The following LYSMD4 variants were observed in gnomAD, a reference collection of about 807,000 sequenced individuals.
The protein encoded by LYSMD4 is lysM and putative peptidoglycan-binding domain-containing protein 4.
A neutral mutation model predicts 6.1 loss-of-function variants in LYSMD4; 9 were observed. The ratio of observed to expected loss-of-function variants is 1.47; its 90% CI spans 0.88 to 2.56. The LOEUF (loss-of-function observed/expected upper bound fraction) is 2.56, where lower values mean the gene tolerates loss of function less well. Ranked by LOEUF, LYSMD4 falls within the 30% of genes most tolerant of loss-of-function variation. LYSMD4 has a pLI of 0.00. For missense variants in LYSMD4, 384 were observed against 373.5 expected, an observed-to-expected ratio of 1.03 and a Z score of -0.23; for synonymous variants, 143 against 148.5, an observed-to-expected ratio of 0.96 and a Z score of 0.27.
chr15:99,723,708 G>GA (rs1465723463), downstream of LYSMD4, among the ~76,000 whole-genome samples: 2 of 152,248 alleles, frequency 1.3e-5, no homozygotes, highest in African/African-American at 4.8e-5. Flanking sequence ...ACACCAGGAA[G>GA]AAGCAATGTC....
Position 99,729,495 on chromosome 15 carries a change from A to G in LYSMD4, c.519T>C (p.Ile173=), listed in dbSNP as rs1417501406. 1.9e-6 allele frequency: 3 copies of G among 1,614,186 alleles called. No individual in the cohort carries two copies. Among genetic ancestry groups the G allele is most frequent in the Non-Finnish European group, 2.5e-6 (3 of 1,180,042 alleles). ...GCACTGCACGCTCAATATCCTGGTC[A>G]ATCCCCTTAAAGAAGCCCATCAGTT... is the stretch of plus-strand genomic sequence containing the variant. The part of the protein sequence containing the change: ...AGQLMGFFKG[I]DQDIERAVQS... Residue 173 remains isoleucine (I), a synonymous_variant, in exon 3 of 3, where the codon ATT becomes ATC. Coordinates refer to ENST00000684762, the MANE Select transcript of LYSMD4 (RefSeq NM_001284417.2).
In LYSMD4 at chr15:99,731,918, A is replaced by C. The variant is rs2059428183; in HGVS notation, c.82T>G (p.Phe28Val). 1 of 1,613,258 alleles carries C rather than the reference A, an allele frequency of 6.2e-7. No homozygotes were observed. Among genetic ancestry groups the C allele is most frequent in the African/African-American group, 1.3e-5 (1 of 74,918 alleles). Residue 28 changes from phenylalanine to valine, a missense_variant, in exon 2 of 3, where the codon TTT (phenylalanine) becomes GTT (valine). Coordinates refer to ENST00000684762, the MANE Select transcript of LYSMD4 (RefSeq NM_001284417.2). ...CCCGAGTCCCCACTGCCATTCTTAA[A>C]CATGTATACGTGGCTGGTCGGAGTC... ...CGTPTSHVYMFKNGSGDSGDS... is the reference protein window; with the variant it reads ...CGTPTSHVYMVKNGSGDSGDS...
At chr15:99,717,755 C>G (rs2059199641) in exon 1 of LYSMD4, 1 of 152,254 alleles carries the variant, frequency 6.6e-6, no homozygotes, top group Non-Finnish European at 1.5e-5. Context: ...ACGCCAGGGC[C>G]TACACTCCAG....
At chr15:99,725,140 GTC>G (rs1048820410), downstream of LYSMD4, among the ~76,000 whole-genome samples, 5 of 119,726 alleles carry the variant, frequency 4.2e-5, no homozygotes, top group African/African-American at 1.2e-4. Flanking sequence ...TTTCCTGACG[GTC>G]TCTGTTACTC....
intron 2 of LYSMD4, chr15:99,731,123 T>C (rs757624611): frequency 1.1e-5 from 17 of 1,560,634 alleles, no homozygotes; most frequent in Non-Finnish European, 1.5e-5. Flanking sequence ...AGTGAAACAG[T>C]TGCAATCTAG....
At chr15:99,719,292 T>G (rs1227763666), upstream of LYSMD4, among the ~76,000 whole-genome samples, 1 of 152,260 alleles carries the variant, frequency 6.6e-6, no homozygotes, top group Non-Finnish European at 1.5e-5. Context: ...TGTTCGTGTT[T>G]TATTTCACTT....
chr15:99,729,080 A>ACAGCTGAGGCAAATG lies in LYSMD4; in HGVS notation c.*42_*43insCATTTGCCTCAGCTG. 1.9e-6 allele frequency: 3 copies of ACAGCTGAGGCAAATG among 1,602,372 alleles called. No individual in the cohort carries two copies. Among genetic ancestry groups the ACAGCTGAGGCAAATG allele is most frequent in the Non-Finnish European group, 2.6e-6 (3 of 1,171,542 alleles). On this transcript the variant is annotated 3_prime_UTR_variant, in exon 3 of 3. Coordinates refer to ENST00000684762, the MANE Select transcript of LYSMD4 (RefSeq NM_001284417.2). ...CGCCAGTGACAGCTGAGGCACATCA[A>ACAGCTGAGGCAAATG]CAGCCAATTGCTAAAGCTGGGCCTA...
upstream of LYSMD4, chr15:99,720,856 A>C (rs1178438419): frequency 6.6e-6 from 1 of 152,136 alleles, no homozygotes; most frequent in Non-Finnish European, 1.5e-5. Flanking sequence ...TCTAAGTCCA[A>C]GCCTTCTGTG....
intron 2 of LYSMD4, chr15:99,731,433 G>GA: frequency 6.2e-7 from 1 of 1,604,778 alleles, no homozygotes; most frequent in Non-Finnish European, 8.5e-7. Flanking sequence ...CTCGAAAGAA[G>GA]AAAAAAGGTT....
chr15:99,723,036 G>T (rs533322002), downstream of LYSMD4, among the ~76,000 whole-genome samples: 14 of 148,354 alleles, frequency 9.4e-5, no homozygotes, highest in South Asian at 6.4e-4. Flanking sequence ...GTTTTGTTTT[G>T]TTTTTTTTTT....
chr15:99,719,286 C>T (rs571243705), upstream of LYSMD4, among the ~76,000 whole-genome samples: 3 of 152,250 alleles, frequency 2.0e-5, no homozygotes, highest in South Asian at 6.2e-4. Context: ...TTCATCTGTT[C>T]GTGTTTTATT....
intron 2 of LYSMD4, 122 bp downstream of exon 2, chr15:99,731,596 T>C: frequency 6.6e-7 from 1 of 1,524,160 alleles, no homozygotes; most frequent in Non-Finnish European, 8.8e-7. Flanking sequence ...CCTTGGCTGC[T>C]ACAGCAGGCC....
upstream of LYSMD4, among the ~76,000 whole-genome samples, chr15:99,718,909 G>GCA (rs57143734): frequency 5.7e-3 from 865 of 150,702 alleles, 5 homozygotes; most frequent in East Asian, 0.017. Flanking sequence ...GTAGTTATGC[G>GCA]CACACACACA....
chr15:99,718,385 TTCTC>T (rs1408677662), upstream of LYSMD4, among the ~76,000 whole-genome samples: 2 of 152,074 alleles, frequency 1.3e-5, no homozygotes, highest in South Asian at 2.1e-4. Context: ...TGTAAAAAGT[TTCTC>T]TCCCTTTGTA....
exon 1 of LYSMD4, chr15:99,715,734 A>G (rs188188955): frequency 7.9e-5 from 12 of 152,360 alleles, no homozygotes; most frequent in East Asian, 7.7e-4. Context: ...CTAAAGAACA[A>G]AAGCAAAAAA....
intron 1 of LYSMD4, among the ~76,000 whole-genome samples, chr15:99,732,742 C>A (rs1033522660): frequency 2.6e-5 from 4 of 152,248 alleles, no homozygotes; most frequent in Non-Finnish European, 2.9e-5. Context: ...GGGCTGACAA[C>A]TTCAGAAAAA....
At chr15:99,720,577 C>A (rs1317737763), upstream of LYSMD4, among the ~76,000 whole-genome samples, 1 of 152,188 alleles carries the variant, frequency 6.6e-6, no homozygotes, top group Non-Finnish European at 1.5e-5. Context: ...TCCTCATGAC[C>A]GTAAATTGTA....
chr15:99,730,625 G>A (rs2059382317), intron 2 of LYSMD4, among the ~76,000 whole-genome samples: 1 of 152,204 alleles, frequency 6.6e-6, no homozygotes, highest in Admixed American at 6.5e-5. Flanking sequence ...CTGATTTGGG[G>A]TAGGGGACAT....
chr15:99,722,903 C>T (rs998837609), downstream of LYSMD4, among the ~76,000 whole-genome samples: 9 of 152,060 alleles, frequency 5.9e-5, no homozygotes, highest in African/African-American at 1.4e-4. Context: ...TGCTGGTGCA[C>T]GCCTGTAATC....
Sources: gnomAD v4.1 joint callset for allele counts (sites outside exome capture counted in the v4.1 genomes callset) on GRCh38, gnomAD v4.1.1 for gene constraint, MANE v1.5 for transcripts, NCBI Gene and HGNC (gene_info 2026-07-23, HGNC 2026-07-21) for gene names.